ZHX1: variants seen among roughly 807,000 people sequenced by gnomAD.
ZHX1 encodes zinc fingers and homeoboxes 1.
A neutral mutation model predicts 61.8 loss-of-function variants in ZHX1; 20 were observed. The observed-to-expected ratio is 0.32, with a 90% CI of 0.23 to 0.47. ZHX1 has a LOEUF of 0.47. Ranked by LOEUF, ZHX1 falls within the 20% of genes least tolerant of loss-of-function variation. ZHX1 has a pLI of 1.00. For missense variants in ZHX1, 800 were observed against 1,034.8 expected (o/e 0.77, Z 3.11); for synonymous variants, 318 against 352.6 (o/e 0.90, Z 1.10).
At position 123,249,396 on chromosome 8, in the gene ZHX1, G is replaced by A. The variant is rs1825855337; in HGVS notation, c.*928C>T. Reference sequence around the variant, plus strand: ...AATTTTTTCTCTATTCACTGAAACTGTTATAAAATTTCACTGAAAGATAAC... The same window carrying A: ...AATTTTTTCTCTATTCACTGAAACTATTATAAAATTTCACTGAAAGATAAC... On this transcript the variant is annotated 3_prime_UTR_variant, in exon 4 of 4. Coordinates refer to ENST00000395571, the MANE Select transcript of ZHX1 (RefSeq NM_007222.5). The A allele has an allele frequency of 1.3e-5, 2 of 152,076 alleles. No homozygotes were observed. Among genetic ancestry groups the A allele is most frequent in the Admixed American group, 1.3e-4 (2 of 15,268 alleles). 9.4% of individuals were successfully genotyped at this position (152,076 alleles called of 1,614,324 possible).
chr8:123,274,939 G>A (rs913466027), upstream of ZHX1, among the ~76,000 whole-genome samples: 17 of 152,160 alleles, frequency 1.1e-4, no homozygotes, highest in African/African-American at 3.9e-4. Context: ...CCGGCCGGGA[G>A]CCCAGCGCCC....
At chr8:123,265,901 C>T (rs1791435333) in intron 2 of ZHX1, among the ~76,000 whole-genome samples, 1 of 152,156 alleles carries the variant, frequency 6.6e-6, no homozygotes, top group South Asian at 2.1e-4. Context: ...GTAAGAAACC[C>T]TATCCTCTCT....
Position 123,274,204 on chromosome 8 carries a change from C to G in ZHX1, c.-340+13G>C, listed in dbSNP as rs1319675076. The stretch of plus-strand genomic sequence containing the variant: ...CCGGGCCCGCTGGTCGCGGAGCCGG[C>G]TCGCGCCACTACCTGCAGGGGCCGC... On this transcript the variant is annotated intron_variant, in intron 1 of 3. Coordinates refer to ENST00000395571, the MANE Select transcript of ZHX1 (RefSeq NM_007222.5). 6.5e-6 allele frequency: 1 copy of G among 152,934 alleles called. No homozygotes were observed. Among genetic ancestry groups the G allele is most frequent in the Non-Finnish European group, 1.5e-5 (1 of 68,652 alleles). 9.5% of individuals were successfully genotyped at this position (152,934 alleles called of 1,614,324 possible). A position where few individuals can be genotyped will look rare whatever the true frequency, so the allele number is the denominator to read the frequency against.
chr8:123,259,635 C>T (rs1826185568), intron 2 of ZHX1, among the ~76,000 whole-genome samples: 1 of 152,094 alleles, frequency 6.6e-6, no homozygotes, highest in Non-Finnish European at 1.5e-5. Context: ...ATATTTTGAA[C>T]AGTAAAGGGA....
In ZHX1 at chr8:123,256,060, C is replaced by T; in HGVS notation, c.-114G>A. The T allele has an allele frequency of 3.3e-6, 3 of 900,542 alleles. No individual in the cohort carries two copies. Among genetic ancestry groups the T allele is most frequent in the Non-Finnish European group, 4.9e-6 (3 of 609,656 alleles). The allele number at this position is 900,542 out of a possible 1,614,324, so 55.8% of individuals were successfully genotyped here. A position where few individuals can be genotyped will look rare whatever the true frequency, so the allele number is the denominator to read the frequency against. On this transcript the variant is annotated 5_prime_UTR_variant, in exon 3 of 4. Transcript: ENST00000395571. ...TTGGTTCTTCAAGTCCATTTTTGTG[C>T]TCAACAAGTCTCATTAGCAGCTTTC...
In ZHX1 at chr8:123,254,403, G is replaced by A; in HGVS notation, c.1544C>T (p.Thr515Ile). The change falls in exon 3 of 4, where the codon ACA (threonine) becomes ATA (isoleucine). Residue 515 changes from threonine to isoleucine, a missense_variant. Transcript: ENST00000395571. This position sits in a 1 kb window ranked among gnomAD's most constrained non-coding sequence, Gnocchi z 4.1. ...KGEIKKWFSD[T>I]RYNQRNSKSN... ...CTTTGAATTTCTCTGGTTGTACCTT[G>A]TGTCACTAAACCATTTTTTAATCTC... is the stretch of plus-strand genomic sequence containing the variant. 6.2e-7 allele frequency: 1 copy of A among 1,614,160 alleles called. No individual in the cohort carries two copies. The highest frequency in any genetic ancestry group is 8.5e-7 in the Non-Finnish European group (1 of 1,180,010).
intron 3 of ZHX1, among the ~76,000 whole-genome samples, chr8:123,251,362 T>C (rs1041449782): frequency 6.6e-6 from 1 of 152,196 alleles, no homozygotes. Flanking sequence ...TTTATAGCAG[T>C]GTGAAAATGG....
chr8:123,265,736 T>C (rs1028467400), intron 2 of ZHX1, among the ~76,000 whole-genome samples: 1 of 152,092 alleles, frequency 6.6e-6, no homozygotes, highest in African/African-American at 2.4e-5. Context: ...TCAAGAAAAC[T>C]GTAAAAAATA....
intron 3 of ZHX1, among the ~76,000 whole-genome samples, chr8:123,250,869 A>G (rs1468661931): frequency 6.6e-6 from 1 of 152,222 alleles, no homozygotes; most frequent in African/African-American, 2.4e-5. Context: ...GCATGCTTCT[A>G]TGCTATCACA....
At chr8:123,270,084 T>C (rs903660518) in intron 1 of ZHX1, among the ~76,000 whole-genome samples, 10 of 152,192 alleles carry the variant, frequency 6.6e-5, no homozygotes, top group Admixed American at 2.6e-4. Flanking sequence ...AATTTTATCA[T>C]AGTAACGAGG....
In ZHX1 at chr8:123,255,340, C is replaced by T; in HGVS notation, c.607G>A (p.Val203Ile). The T allele has an allele frequency of 6.2e-7, 1 of 1,614,096 alleles. No individual in the cohort carries two copies. The highest frequency in any genetic ancestry group is 8.5e-7 in the Non-Finnish European group (1 of 1,180,014). The change falls in exon 3 of 4, where the codon GTT (valine) becomes ATT (isoleucine). Residue 203 changes from valine to isoleucine, a missense_variant. Physicochemically the swap from Val to Ile is conservative, Grantham distance 29 (BLOSUM62 3). Coordinates refer to ENST00000395571, the MANE Select transcript of ZHX1 (RefSeq NM_007222.5). Reference sequence around the variant, plus strand: ...TCTTTCTCTTCAGGAACGTCCTCAACTGAGTTATGATGAACTGCAATCCGT... The same window carrying T: ...TCTTTCTCTTCAGGAACGTCCTCAATTGAGTTATGATGAACTGCAATCCGT... ...NKRIAVHHNS[V>I]EDVPEEKENE...
chr8:123,267,112 C>T (rs1192101416), intron 2 of ZHX1, among the ~76,000 whole-genome samples, 161 bp downstream of exon 2: 1 of 152,064 alleles, frequency 6.6e-6, no homozygotes, highest in East Asian at 1.9e-4. Context: ...ATACTTATAG[C>T]TCTTAAAATT....
At chr8:123,269,134 C>T (rs1246807444) in intron 1 of ZHX1, among the ~76,000 whole-genome samples, 2 of 152,160 alleles carry the variant, frequency 1.3e-5, no homozygotes, top group Non-Finnish European at 2.9e-5. Flanking sequence ...CATCAATCTA[C>T]AGGATGTGGA....
At chr8:123,270,419 A>T (rs1382806951) in intron 1 of ZHX1, among the ~76,000 whole-genome samples, 3 of 152,172 alleles carry the variant, frequency 2.0e-5, no homozygotes, top group African/African-American at 7.2e-5. Flanking sequence ...TAATTTTGTT[A>T]AGATAAATTC....
chr8:123,254,319 C>A lies in ZHX1; in HGVS notation c.1628G>T (p.Ser543Ile). The A allele has an allele frequency of 1.9e-6, 3 of 1,614,140 alleles. No homozygotes were observed. The highest frequency in any genetic ancestry group is 2.5e-6 in the Non-Finnish European group (3 of 1,180,006). ...DSSTTIIIDSSDETTESPTVG... is the reference protein window; with the variant it reads ...DSSTTIIIDSIDETTESPTVG... Reference sequence around the variant, plus strand: ...AGTTGGGGATTCCGTGGTTTCATCACTGGAGTCTATAATAATGGTGGTAGA... The same window carrying A: ...AGTTGGGGATTCCGTGGTTTCATCAATGGAGTCTATAATAATGGTGGTAGA... The change falls in exon 3 of 4, where the codon AGT becomes ATT. Residue 543 changes from serine (S) to isoleucine (I), a missense_variant. Physicochemically the swap from Ser to Ile is moderately radical, Grantham distance 142. Coordinates refer to ENST00000395571, the MANE Select transcript of ZHX1 (RefSeq NM_007222.5). This position sits in a 1 kb window ranked among gnomAD's most constrained non-coding sequence, Gnocchi z 4.1.
chr8:123,254,001 G>A lies in ZHX1; in HGVS notation c.1946C>T (p.Pro649Leu). Residue 649 changes from proline (P) to leucine (L), a missense_variant, in exon 3 of 4, where the codon CCT becomes CTT. Physicochemically the swap from Pro to Leu is moderately conservative, Grantham distance 98. Transcript: ENST00000395571. This position sits in a 1 kb window ranked among gnomAD's most constrained non-coding sequence, Gnocchi z 4.1. The stretch of plus-strand genomic sequence containing the variant: ...CTTAGGTGCACCAGATTCATCTGCA[G>A]GAGAAGTTTCTCCAGCTTCTTCTTT... ...SSKEEAGETS[P>L]ADESGAPKSG... The A allele has an allele frequency of 6.2e-7, 1 of 1,614,042 alleles. No homozygotes were observed. Among genetic ancestry groups the A allele is most frequent in the Non-Finnish European group, 8.5e-7 (1 of 1,179,978 alleles).
At chr8:123,251,742 G>A (rs1825924371) in intron 3 of ZHX1, among the ~76,000 whole-genome samples, 1 of 152,174 alleles carries the variant, frequency 6.6e-6, no homozygotes, top group African/African-American at 2.4e-5. Flanking sequence ...TTAGGAAATG[G>A]AGGGCTGCAC....
intron 1 of ZHX1, among the ~76,000 whole-genome samples, chr8:123,268,853 T>C (rs1339318168): frequency 6.6e-6 from 1 of 152,204 alleles, no homozygotes; most frequent in Non-Finnish European, 1.5e-5. Context: ...AGGAAGAGTA[T>C]TTTCCCAATT....
At chr8:123,274,901 C>A (rs970483084), upstream of ZHX1, among the ~76,000 whole-genome samples, 3 of 152,196 alleles carry the variant, frequency 2.0e-5, no homozygotes, top group East Asian at 5.8e-4. Flanking sequence ...ACGACCCAGG[C>A]CCCGCCCCTC....
Sources: allele counts gnomAD v4.1 joint callset (sites outside exome capture counted in the v4.1 genomes callset), GRCh38; gene constraint gnomAD v4.1.1; non-coding constraint Gnocchi (gnomAD v3.1); transcripts MANE v1.5; gene names NCBI Gene and HGNC (gene_info 2026-07-23, HGNC 2026-07-21).